The following IPO9 variants were observed in gnomAD, a reference collection of about 807,000 sequenced individuals.
IPO9 encodes the protein importin-9.
In IPO9, 28 loss-of-function variants were observed where a neutral mutation model predicts 128.6. That is an observed-to-expected ratio of 0.22 (90% CI 0.16 to 0.30). The LOEUF (loss-of-function observed/expected upper bound fraction) is 0.30. Ranked by LOEUF, IPO9 falls within the 10% of genes least tolerant of loss-of-function variation. The pLI, the probability that IPO9 is intolerant of heterozygous loss-of-function variation, is 1.00. For missense variants in IPO9, 935 were observed against 1,293.9 expected (o/e 0.72, Z 4.26); for synonymous variants, 455 against 475.8 (o/e 0.96, Z 0.57).
At chr1:201,833,060 GATAA>G (rs1679866852) in intron 1 of IPO9, among the ~76,000 whole-genome samples, 1 of 152,078 alleles carries the variant, frequency 6.6e-6, no homozygotes, top group African/African-American at 2.4e-5. Flanking sequence ...GATATTTTCT[GATAA>G]ATAAATAAAT....
chr1:201,852,477 G>C (rs1680238622), intron 5 of IPO9, among the ~76,000 whole-genome samples: 1 of 152,114 alleles, frequency 6.6e-6, no homozygotes, highest in East Asian at 1.9e-4. Flanking sequence ...GCTACTTCCA[G>C]CCTCTTACTG....
rs960110539 is a variant in IPO9 at position 201,879,163 on chromosome 1, A to G, written c.*3109A>G. ...AGTTACAGACGTATATGTGACATTG[A>G]TTTGGGAGAATGAACCTACAACAAA... On this transcript the variant is annotated 3_prime_UTR_variant, in exon 24 of 24. Coordinates refer to ENST00000361565, the MANE Select transcript of IPO9 (RefSeq NM_018085.5). 1.3e-5 allele frequency: 2 copies of G among 152,240 alleles called. No homozygotes were observed. Among genetic ancestry groups the G allele is most frequent in the East Asian group, 3.8e-4 (2 of 5,206 alleles). The allele number at this position is 152,240 out of a possible 1,614,324, so 9.4% of individuals were successfully genotyped here.
chr1:201,861,291 T>TA (rs1314330651), intron 13 of IPO9, among the ~76,000 whole-genome samples: 12 of 152,242 alleles, frequency 7.9e-5, no homozygotes, highest in African/African-American at 2.7e-4. Context: ...GTTTCTCACT[T>TA]ACAGTGGTTG....
chr1:201,869,817 C>G (rs535835613), intron 17 of IPO9, 99 bp downstream of exon 17: 1 of 1,392,400 alleles, frequency 7.2e-7, no homozygotes, highest in South Asian at 1.4e-5. Context: ...TTTTGAAATA[C>G]GGAATTCTCA....
At chr1:201,831,233 T>G (rs1463415675) in intron 1 of IPO9, among the ~76,000 whole-genome samples, 1 of 152,182 alleles carries the variant, frequency 6.6e-6, no homozygotes, top group Non-Finnish European at 1.5e-5. Flanking sequence ...AAGTCACTGA[T>G]GAGAAATAGA....
At position 201,855,142 on chromosome 1, in the gene IPO9, A is replaced by C. The variant is rs1558219986; in HGVS notation, c.930A>C (p.Val310=). The C allele has an allele frequency of 1.3e-6, 2 of 1,598,566 alleles. No individual in the cohort carries two copies. Among genetic ancestry groups the C allele is most frequent in the Non-Finnish European group, 1.7e-6 (2 of 1,166,218 alleles). ...ATCATACTTATGTGAGGACAGAAGTAAATTACACAGAAGAAGTAGAAGATC... is the reference window on the plus strand; with the variant it reads ...ATCATACTTATGTGAGGACAGAAGTCAATTACACAGAAGAAGTAGAAGATC... The part of the protein sequence containing the change: ...ESAAFYVRTE[V]NYTEEVEDPV... Residue 310 remains valine, a synonymous_variant, in exon 9 of 24, where the codon GTA becomes GTC. Coordinates refer to ENST00000361565, the MANE Select transcript of IPO9 (RefSeq NM_018085.5).
At position 201,870,458 on chromosome 1, in the gene IPO9, A is replaced by G. The variant is rs546520101; in HGVS notation, c.2134-125A>G. 4.2e-5 allele frequency: 45 copies of G among 1,077,302 alleles called. No homozygotes were observed. The African/African-American group carries it at 5.9e-4, about 14-fold the overall frequency. 66.7% of individuals were successfully genotyped at this position (1,077,302 alleles called of 1,614,324 possible). ...AACTCCAGTGGTATGAGCCCACCAC[A>G]AACATTATAGACTCACCGCTTTTAT... On this transcript the variant is annotated intron_variant, in intron 17 of 23. Coordinates refer to ENST00000361565, the MANE Select transcript of IPO9 (RefSeq NM_018085.5). The surrounding 1 kb of genome is among the most constrained non-coding windows in gnomAD (Gnocchi z 4.9).
intron 1 of IPO9, among the ~76,000 whole-genome samples, chr1:201,836,363 C>A (rs896987127): frequency 6.6e-6 from 1 of 152,000 alleles, no homozygotes; most frequent in African/African-American, 2.4e-5. Context: ...TCTGGCTTTT[C>A]CTTCTTTGCA....
chr1:201,853,063 C>T lies in IPO9; in HGVS notation c.656C>T (p.Ala219Val). Residue 219 changes from alanine to valine, a missense_variant, in exon 6 of 24, where the codon GCC (alanine) becomes GTC (valine). Ala to Val is a moderately conservative substitution (Grantham distance 64). Around this residue, in one of 3 missense-constraint regions of IPO9, gnomAD observed 741 missense variants for 1,019.1 expected, o/e 0.73. Coordinates refer to ENST00000361565, the MANE Select transcript of IPO9 (RefSeq NM_018085.5). ...SRAVEIFTTC[A>V]HMICNMEELE... ...GCCGTGGAGATTTTTACCACTTGTGCCCATATGATCTGTAACATGGAGGAG... is the reference window on the plus strand; with the variant it reads ...GCCGTGGAGATTTTTACCACTTGTGTCCATATGATCTGTAACATGGAGGAG... 6.2e-7 allele frequency: 1 copy of T among 1,614,048 alleles called. No homozygotes were observed. Among genetic ancestry groups the T allele is most frequent in the South Asian group, 1.1e-5 (1 of 91,076 alleles).
chr1:201,869,766 T>C (rs766051548), intron 17 of IPO9, 48 bp downstream of exon 17: 7 of 1,606,278 alleles, frequency 4.4e-6, no homozygotes, highest in Admixed American at 1.7e-5. Context: ...TCCCCAGCCA[T>C]GGGCTTATAC....
At chr1:201,865,313 A>G (rs1680532763) in intron 14 of IPO9, among the ~76,000 whole-genome samples, 1 of 151,334 alleles carries the variant, frequency 6.6e-6, no homozygotes, top group East Asian at 1.9e-4. Context: ...GGTTCAAGCA[A>G]TTCTCCTGCT....
chr1:201,836,470 C>G (rs1679924666), intron 1 of IPO9, among the ~76,000 whole-genome samples: 1 of 152,196 alleles, frequency 6.6e-6, no homozygotes, highest in African/African-American at 2.4e-5. Flanking sequence ...ACTGCAGCCT[C>G]AAACTCCTGG....
chr1:201,833,495 T>C (rs1679875270), intron 1 of IPO9, among the ~76,000 whole-genome samples: 1 of 152,118 alleles, frequency 6.6e-6, no homozygotes, highest in African/African-American at 2.4e-5. Context: ...CACCTTGCCC[T>C]CCCAAAGTGC....
intron 13 of IPO9, among the ~76,000 whole-genome samples, chr1:201,860,431 C>CTT (rs1371502195): frequency 9.9e-5 from 15 of 152,180 alleles, no homozygotes; most frequent in African/African-American, 3.1e-4. Flanking sequence ...AGTAAGGTCT[C>CTT]TGAGAGTAGA....
intron 17 of IPO9, 115 bp downstream of exon 17, chr1:201,869,833 A>C: frequency 7.9e-7 from 1 of 1,270,268 alleles, no homozygotes; most frequent in Non-Finnish European, 1.1e-6. Context: ...TCTCAACTCC[A>C]TATTTACTTA....
intron 1 of IPO9, among the ~76,000 whole-genome samples, chr1:201,841,853 T>C (rs1030263754): frequency 5.3e-5 from 8 of 152,226 alleles, no homozygotes; most frequent in South Asian, 2.1e-4. Context: ...TAAATACTTA[T>C]GAGTTCATAT....
In IPO9 at chr1:201,869,637, C is replaced by T; in HGVS notation, c.2052C>T (p.Pro684=). Reference sequence around the variant, plus strand: ...CAGTAGTACGAAATACAAAGCCTCCCCTTTCCCAGCTTCTCATCTGCCAAG... The same window carrying T: ...CAGTAGTACGAAATACAAAGCCTCCTCTTTCCCAGCTTCTCATCTGCCAAG... ...LTTVVRNTKP[P]LSQLLICQAF... is the part of the protein sequence containing the mutation. The change falls in exon 17 of 24, where the codon CCC becomes CCT. Residue 684 remains proline (P), a synonymous_variant. Coordinates refer to ENST00000361565, the MANE Select transcript of IPO9 (RefSeq NM_018085.5). The T allele has an allele frequency of 6.2e-7, 1 of 1,614,138 alleles. No homozygotes were observed. The highest frequency in any genetic ancestry group is 1.7e-5 in the Admixed American group (1 of 60,014).
chr1:201,871,751 T>A (rs1040977895), intron 19 of IPO9, among the ~76,000 whole-genome samples: 16 of 152,190 alleles, frequency 1.1e-4, no homozygotes, highest in African/African-American at 3.4e-4. Context: ...TTCAAATGGC[T>A]CTCTGTATTC....
chr1:201,848,476 G>A lies in IPO9; in HGVS notation c.396G>A (p.Val132=), dbSNP rs1680159390. ...TGCGCTCCAGTGTGGCCTATGCAGT[G>A]TCAGCCATTGCCCACTGGGACTGGC... The part of the protein sequence containing the change: ...SKVRSSVAYA[V]SAIAHWDWPE... Residue 132 remains valine (V), a synonymous_variant, in exon 4 of 24, where the codon GTG becomes GTA. Transcript: ENST00000361565. The A allele has an allele frequency of 1.2e-6, 2 of 1,614,082 alleles. No individual in the cohort carries two copies. Among genetic ancestry groups the A allele is most frequent in the African/African-American group, 1.3e-5 (1 of 74,942 alleles).
Sources: allele counts gnomAD v4.1 joint callset (sites outside exome capture counted in the v4.1 genomes callset), GRCh38; gene constraint gnomAD v4.1.1; regional missense constraint gnomAD v4.1.1; non-coding constraint Gnocchi (gnomAD v3.1); transcripts MANE v1.5; gene names NCBI Gene and HGNC (gene_info 2026-07-23, HGNC 2026-07-21).